PITPNC1: variants seen among roughly 807,000 people sequenced by gnomAD.
PITPNC1 encodes the protein cytoplasmic phosphatidylinositol transfer protein 1.
PITPNC1 carries 18 observed loss-of-function variants against 44.7 expected under a neutral mutation model. The ratio of observed to expected loss-of-function variants is 0.40; its 90% CI spans 0.28 to 0.60. PITPNC1 has a LOEUF of 0.60. Ranked by LOEUF, PITPNC1 falls within the 20% of genes least tolerant of loss-of-function variation. The probability of loss-of-function intolerance (pLI) is 0.39; values close to 1 mark genes in which losing one functional copy is unlikely to be tolerated. For missense variants in PITPNC1, 290 were observed against 418.4 expected (o/e 0.69, Z 2.68); for synonymous variants, 141 against 149.6 (o/e 0.94, Z 0.42).
At position 67,550,030 on chromosome 17, in the gene PITPNC1, A is replaced by G. The variant is rs528404742; in HGVS notation, c.198-2227A>G. 3.9e-5 allele frequency among the ~76,000 whole-genome samples: 6 copies of G among 152,288 alleles called. No homozygotes were observed. In the South Asian group the frequency reaches 1.2e-3, roughly 32 times the overall value. ...CCATTTCCTGCACGCGAGCCAGTGT[A>G]ATTTTCCCACTGTCAGCGTCACCTG... On this transcript the variant is annotated intron_variant, in intron 2 of 8. Transcript: ENST00000581322.
At chr17:67,381,469 T>TC (rs951818909) in intron 1 of PITPNC1, among the ~76,000 whole-genome samples, 2 of 128,848 alleles carry the variant, frequency 1.6e-5, no homozygotes, top group African/African-American at 6.2e-5. Flanking sequence ...TTTCTCTCTC[T>TC]TTTTTTTTTT....
intron 5 of PITPNC1, among the ~76,000 whole-genome samples, chr17:67,627,854 G>A (rs146550278): frequency 2.0e-5 from 3 of 151,672 alleles, no homozygotes; most frequent in East Asian, 1.9e-4. Flanking sequence ...TGGGCATAAT[G>A]TTCTTAAAGC....
At chr17:67,447,089 CAAAAAAA>C (rs749024248) in intron 1 of PITPNC1, among the ~76,000 whole-genome samples, 5 of 35,324 alleles carry the variant, frequency 1.4e-4, no homozygotes, top group African/African-American at 3.0e-4. Flanking sequence ...GACTCTGTCT[CAAAAAAA>C]AAAAAAAAAA....
At chr17:67,407,219 G>A (rs1257985594) in intron 1 of PITPNC1, among the ~76,000 whole-genome samples, 1 of 152,062 alleles carries the variant, frequency 6.6e-6, no homozygotes, top group African/African-American at 2.4e-5. Context: ...GGTGTGAAGT[G>A]GTATCTCATT....
At chr17:67,511,371 G>A (rs1482758611) in intron 1 of PITPNC1, among the ~76,000 whole-genome samples, 6 of 152,188 alleles carry the variant, frequency 3.9e-5, no homozygotes, top group East Asian at 1.9e-4. Flanking sequence ...CCTAGGTAGA[G>A]TAGCTAGGTA....
chr17:67,437,826 G>C (rs945906397), intron 1 of PITPNC1, among the ~76,000 whole-genome samples: 17 of 152,300 alleles, frequency 1.1e-4, no homozygotes, highest in African/African-American at 3.8e-4. Context: ...CCAGCACTTT[G>C]GGAGGCCGAG....
chr17:67,556,962 G>A (rs1021325664), intron 4 of PITPNC1, among the ~76,000 whole-genome samples: 5 of 152,106 alleles, frequency 3.3e-5, no homozygotes, highest in Admixed American at 2.0e-4. Context: ...AATATGAGGA[G>A]GTTTCTCAGA....
chr17:67,639,911 C>G (rs533527379), intron 6 of PITPNC1, among the ~76,000 whole-genome samples: 1 of 152,240 alleles, frequency 6.6e-6, no homozygotes, highest in East Asian at 1.9e-4. Flanking sequence ...GTACAAAGAG[C>G]TTCATCCAAA....
At chr17:67,491,222 C>T (rs969762737) in intron 1 of PITPNC1, among the ~76,000 whole-genome samples, 6 of 152,346 alleles carry the variant, frequency 3.9e-5, no homozygotes, top group Middle Eastern at 3.4e-3. Context: ...TGAACGCAGC[C>T]GGCCACTGCA....
intron 2 of PITPNC1, among the ~76,000 whole-genome samples, chr17:67,536,823 G>A (rs1297658453): frequency 1.3e-5 from 2 of 152,152 alleles, no homozygotes; most frequent in Non-Finnish European, 2.9e-5. Context: ...TAAAAAGAGG[G>A]ACGTTCAAGG....
At chr17:67,488,863 G>C (rs1458796171) in intron 1 of PITPNC1, among the ~76,000 whole-genome samples, 1 of 152,170 alleles carries the variant, frequency 6.6e-6, no homozygotes, top group African/African-American at 2.4e-5. Flanking sequence ...TATCTATCTG[G>C]CTTATTTCTC....
At chr17:67,650,670 C>G (rs1027208447) in intron 6 of PITPNC1, among the ~76,000 whole-genome samples, 1 of 152,054 alleles carries the variant, frequency 6.6e-6, no homozygotes, top group African/African-American at 2.4e-5. Flanking sequence ...AGGCTGATCT[C>G]CAACTCCTGA....
intron 1 of PITPNC1, among the ~76,000 whole-genome samples, chr17:67,475,561 G>C (rs1457305330): frequency 6.6e-6 from 1 of 152,172 alleles, no homozygotes; most frequent in Non-Finnish European, 1.5e-5. Context: ...AGGCTGCGAC[G>C]ACCTCGTACA....
At position 67,384,124 on chromosome 17, in the gene PITPNC1, A is replaced by G. The variant is rs183231880; in HGVS notation, c.48+5922A>G. ...TCTGACTGCATTCACATAAATGTGTATACTTTTAGGGATTGATTTGTGGTC... is the reference window on the plus strand; with the variant it reads ...TCTGACTGCATTCACATAAATGTGTGTACTTTTAGGGATTGATTTGTGGTC... On this transcript the variant is annotated intron_variant, in intron 1 of 8. Coordinates refer to ENST00000581322, the MANE Select transcript of PITPNC1 (RefSeq NM_012417.4). Among the ~76,000 whole-genome samples the G allele has an allele frequency of 2.0e-4, 30 of 152,314 alleles. 2 individuals carry two copies. In the East Asian group the frequency reaches 5.2e-3, roughly 26 times the overall value.
chr17:67,512,271 G>A (rs1454110891), intron 1 of PITPNC1, among the ~76,000 whole-genome samples: 1 of 152,202 alleles, frequency 6.6e-6, no homozygotes, highest in Non-Finnish European at 1.5e-5. Context: ...GGCCCAGGCG[G>A]GCGGATCATT....
chr17:67,582,810 G>GT (rs1406573017), intron 5 of PITPNC1, among the ~76,000 whole-genome samples: 1 of 152,188 alleles, frequency 6.6e-6, no homozygotes, highest in African/African-American at 2.4e-5. Context: ...GTAAGGTTCC[G>GT]TTGTTTATCC....
chr17:67,572,490 AG>A (rs1383254811), intron 4 of PITPNC1, among the ~76,000 whole-genome samples: 1 of 103,520 alleles, frequency 9.7e-6, no homozygotes, highest in African/African-American at 3.6e-5. Context: ...GTAAAGAAGA[AG>A]GGGGGTGACT....
In PITPNC1 at chr17:67,639,566, G is replaced by T. The variant is rs2042070237; in HGVS notation, c.462+7328G>T. Among the ~76,000 whole-genome samples the T allele has an allele frequency of 3.3e-5, 5 of 152,332 alleles. 1 individual carries two copies. In the Middle Eastern group the frequency reaches 0.014, roughly 415 times the overall value. On this transcript the variant is annotated intron_variant, in intron 6 of 8. Coordinates refer to ENST00000581322, the MANE Select transcript of PITPNC1 (RefSeq NM_012417.4). ...AGAATAACATGAGGCTGTCCTAGAA[G>T]CATGGGCCCCTGACGTGGCATAATT...
At chr17:67,424,109 A>G (rs1166545781) in intron 1 of PITPNC1, among the ~76,000 whole-genome samples, 2 of 145,026 alleles carry the variant, frequency 1.4e-5, no homozygotes, top group African/African-American at 5.1e-5. Flanking sequence ...AAAAAAAAAT[A>G]GAGTTGAGGA....
Sources: gnomAD v4.1 joint callset for allele counts (sites outside exome capture counted in the v4.1 genomes callset) on GRCh38, gnomAD v4.1.1 for gene constraint, MANE v1.5 for transcripts, NCBI Gene and HGNC (gene_info 2026-07-23, HGNC 2026-07-21) for gene names.